Variants in SALL3 observed in about 807,000 individuals in gnomAD.
SALL3 encodes the protein spalt like transcription factor 3.
In SALL3, 25 loss-of-function variants were observed where a neutral mutation model predicts 66.2. The observed-to-expected ratio is 0.38, with a 90% confidence interval of 0.28 to 0.53. The LOEUF (loss-of-function observed/expected upper bound fraction) is 0.53. SALL3 is among the 20% of genes least tolerant of loss of function. The probability of loss-of-function intolerance (pLI) is 0.85; values close to 1 mark genes in which losing one functional copy is unlikely to be tolerated. For missense variants in SALL3, 2,194 were observed against 1,916.5 expected, an observed-to-expected ratio of 1.14 and a Z score of -2.70; for synonymous variants, 1,152 against 899.1, an observed-to-expected ratio of 1.28 and a Z score of -5.03.
Position 78,993,477 on chromosome 18 carries a change from G to C in SALL3, c.1486G>C (p.Gly496Arg). Reference protein sequence around the residue: ...EYLDNVPTCSGIPYGMSLPPE... With the variant: ...EYLDNVPTCSRIPYGMSLPPE... The stretch of plus-strand genomic sequence containing the variant: ...CCTGGACAACGTGCCCACCTGCTCG[G>C]GCATCCCCTACGGCATGTCGCTGCC... The change falls in exon 2 of 3, where the codon GGC (glycine) becomes CGC (arginine). Residue 496 changes from glycine to arginine, a missense_variant. Gly to Arg is a moderately radical substitution (Grantham distance 125). Transcript: ENST00000537592. 6.2e-7 allele frequency: 1 copy of C among 1,612,428 alleles called. No individual in the cohort carries two copies. The highest frequency in any genetic ancestry group is 8.5e-7 in the Non-Finnish European group (1 of 1,179,832).
chr18:78,981,936 C>T (rs1269558029), intron 1 of SALL3, among the ~76,000 whole-genome samples: 1 of 152,180 alleles, frequency 6.6e-6, no homozygotes, highest in African/African-American at 2.4e-5. Flanking sequence ...AATTTTAAAG[C>T]TTTATTATTG....
chr18:78,994,192 C>A lies in SALL3; in HGVS notation c.2201C>A (p.Pro734His). 6.2e-7 allele frequency: 1 copy of A among 1,613,436 alleles called. No homozygotes were observed. Among genetic ancestry groups the A allele is most frequent in the Middle Eastern group, 1.6e-4 (1 of 6,062 alleles). The change falls in exon 2 of 3, where the codon CCC becomes CAC. Residue 734 changes from proline (P) to histidine (H), a missense_variant. Coordinates refer to ENST00000537592, the MANE Select transcript of SALL3 (RefSeq NM_171999.4). ...TTCGGCGTGCACCGTGCAAAGCCGC[C>A]CCTGCGCGTGCAGCACTCCTGCCCC... is the stretch of plus-strand genomic sequence containing the variant. The part of the protein sequence containing the change: ...THFGVHRAKP[P>H]LRVQHSCPIC...
At position 78,993,587 on chromosome 18, in the gene SALL3, C is replaced by T. The variant is rs1449650764; in HGVS notation, c.1596C>T (p.Pro532=). 1.7e-5 allele frequency: 27 copies of T among 1,588,922 alleles called. No homozygotes were observed. Among genetic ancestry groups the T allele is most frequent in the Non-Finnish European group, 2.2e-5 (26 of 1,173,038 alleles). Residue 532 remains proline, a synonymous_variant, in exon 2 of 3, where the codon CCC becomes CCT. Coordinates refer to ENST00000537592, the MANE Select transcript of SALL3 (RefSeq NM_171999.4). Reference sequence around the variant, plus strand: ...CGTCCGTGGGGCTGCAACTGCCGCCCACTGTCCCTGGCGCGCACGGCTACG... The same window carrying T: ...CGTCCGTGGGGCTGCAACTGCCGCCTACTGTCCCTGGCGCGCACGGCTACG... The part of the protein sequence containing the change: ...VPTSVGLQLP[P]TVPGAHGYAD...
Position 78,992,941 on chromosome 18 carries a change from C to A in SALL3, c.950C>A (p.Ala317Asp). 9.3e-7 allele frequency: 1 copy of A among 1,074,010 alleles called. No individual in the cohort carries two copies. The highest frequency in any genetic ancestry group is 1.1e-6 in the Non-Finnish European group (1 of 887,254). The allele number at this position is 1,074,010 out of a possible 1,614,324, so 66.5% of individuals were successfully genotyped here. The change falls in exon 2 of 3, where the codon GCC becomes GAC. Residue 317 changes from alanine (A) to aspartate (D), a missense_variant. Ala to Asp is a moderately radical substitution (Grantham distance 126, BLOSUM62 -2). Transcript: ENST00000537592. ...EPSAPAAPSA[A>D]PAPAAPAPAP... ...AGCGCGCCCGCCGCCCCCAGCGCCG[C>A]CCCTGCCCCCGCTGCCCCCGCCCCG...
rs749383364 is a variant in SALL3, at chr18:78,995,298, G to GC, written c.3314dup (p.Pro1106ThrfsTer27). The GC allele has an allele frequency of 3.8e-6, 6 of 1,576,740 alleles. No individual in the cohort carries two copies. Among genetic ancestry groups the GC allele is most frequent in the Non-Finnish European group, 4.3e-6 (5 of 1,166,808 alleles). The stretch of plus-strand genomic sequence containing the variant: ...GGGCCCGGGCCTGGCGCCCATGCTG[G>GC]CCCCCCCACCGCGCCGGACGCCCAA... On this transcript the variant is annotated frameshift_variant, in exon 2 of 3. Coordinates refer to ENST00000537592, the MANE Select transcript of SALL3 (RefSeq NM_171999.4). LOFTEE classifies it high-confidence loss of function.
intron 1 of SALL3, among the ~76,000 whole-genome samples, chr18:78,985,327 TAAA>T (rs1914209403): frequency 6.6e-6 from 1 of 152,228 alleles, no homozygotes; most frequent in African/African-American, 2.4e-5. Context: ...TTATAGTTCT[TAAA>T]GAAGAAGAGA....
chr18:78,984,445 TATTA>T lies in SALL3; in HGVS notation c.82+4090_82+4093del, dbSNP rs144227537. 9.0e-3 allele frequency among the ~76,000 whole-genome samples: 1,370 copies of T among 152,356 alleles called. 21 individuals carry two copies. The highest frequency in any genetic ancestry group is 0.031 in the African/African-American group (1,303 of 41,582). On this transcript the variant is annotated intron_variant, in intron 1 of 2. Transcript: ENST00000537592. The stretch of plus-strand genomic sequence containing the variant: ...TATAACAGGAAGGATTTTTTGTTTT[TATTA>T]GTTTTATTTTCCTACATGATTTGTT...
chr18:78,982,202 A>G lies in SALL3; in HGVS notation c.82+1846A>G, dbSNP rs550442787. Reference sequence around the variant, plus strand: ...AAACGTGTGGAGGGCTATATCGCCTATATTTGAAAGCCTAAGATGGGATAA... The same window carrying G: ...AAACGTGTGGAGGGCTATATCGCCTGTATTTGAAAGCCTAAGATGGGATAA... On this transcript the variant is annotated intron_variant, in intron 1 of 2. Coordinates refer to ENST00000537592, the MANE Select transcript of SALL3 (RefSeq NM_171999.4). Among the ~76,000 whole-genome samples the G allele has an allele frequency of 9.8e-5, 15 of 152,356 alleles. No individual in the cohort carries two copies. In the South Asian group the frequency reaches 2.5e-3, roughly 25 times the overall value.
Position 78,992,623 on chromosome 18 carries a change from C to T in SALL3, c.632C>T (p.Ala211Val), listed in dbSNP as rs754738410. The change falls in exon 2 of 3, where the codon GCC (alanine) becomes GTC (valine). Residue 211 changes from alanine (A) to valine (V), a missense_variant. By Grantham distance (64) the Ala-to-Val change is moderately conservative (BLOSUM62 0). Transcript: ENST00000537592. ...CCCCTGATCCTGGAACAGCTCATGG[C>T]CCTGCAGCAGCAGCAGATCCACCAG... is the stretch of plus-strand genomic sequence containing the variant. Reference protein sequence around the residue: ...AVPLILEQLMALQQQQIHQLQ... With the variant: ...AVPLILEQLMVLQQQQIHQLQ... The T allele has an allele frequency of 1.9e-6, 3 of 1,552,496 alleles. No individual in the cohort carries two copies. The highest frequency in any genetic ancestry group is 1.7e-6 in the Non-Finnish European group (2 of 1,156,372).
rs981680977 is a variant in SALL3, at chr18:78,988,778, T to C, written c.83-3296T>C. On this transcript the variant is annotated intron_variant, in intron 1 of 2. Transcript: ENST00000537592. ...CGCGAGAACAATTGAGGTGATCACA[T>C]TGATATTTTATACACACCTCAATAG... Among the ~76,000 whole-genome samples, 7 of 152,210 alleles carry C rather than the reference T, an allele frequency of 4.6e-5. No homozygotes were observed. In the South Asian group the frequency reaches 6.2e-4, roughly 14 times the overall value.
chr18:78,981,516 G>A lies in SALL3; in HGVS notation c.82+1160G>A, dbSNP rs548193366. Among the ~76,000 whole-genome samples, 6 of 152,384 alleles carry A rather than the reference G, an allele frequency of 3.9e-5. No homozygotes were observed. In the East Asian group the frequency reaches 1.2e-3, roughly 29 times the overall value. On this transcript the variant is annotated intron_variant, in intron 1 of 2. Coordinates refer to ENST00000537592, the MANE Select transcript of SALL3 (RefSeq NM_171999.4). ...GCGGAAGAGTTTCCCACACAGTGGAGTAAAGTTTGACAAAGCGGGTAGACA... is the reference window on the plus strand; with the variant it reads ...GCGGAAGAGTTTCCCACACAGTGGAATAAAGTTTGACAAAGCGGGTAGACA...
Position 78,980,023 on chromosome 18 carries a change from G to A in SALL3, c.-252G>A, listed in dbSNP as rs1023708189. Reference sequence around the variant, plus strand: ...GCCGCGGCCCCCTCCTCGTCGGCGCGGCCGCTAATTGCGAGCGCGGCCTCA... The same window carrying A: ...GCCGCGGCCCCCTCCTCGTCGGCGCAGCCGCTAATTGCGAGCGCGGCCTCA... On this transcript the variant is annotated 5_prime_UTR_variant, in exon 1 of 3. Transcript: ENST00000537592. Among the ~76,000 whole-genome samples the A allele has an allele frequency of 6.9e-6, 1 of 145,868 alleles. No individual in the cohort carries two copies. Among genetic ancestry groups the A allele is most frequent in the East Asian group, 2.0e-4 (1 of 4,976 alleles).
At position 78,992,784 on chromosome 18, in the gene SALL3, C is replaced by A; in HGVS notation, c.793C>A (p.Pro265Thr). Residue 265 changes from proline (P) to threonine (T), a missense_variant, in exon 2 of 3, where the codon CCG (proline) becomes ACG (threonine). Physicochemically the swap from Pro to Thr is conservative, Grantham distance 38. Transcript: ENST00000537592. ...CCAGCTGCCCGGGCTGGCCGCGCTC[C>A]CGCTGTCGGCCGGGGCCCCTGCCGC... ...PSQLPGLAAL[P>T]LSAGAPAAAI... 1 of 990,822 alleles carries A rather than the reference C, an allele frequency of 1.0e-6. No individual in the cohort carries two copies. Among genetic ancestry groups the A allele is most frequent in the African/African-American group, 1.8e-5 (1 of 56,758 alleles). 61.4% of individuals were successfully genotyped at this position (990,822 alleles called of 1,614,324 possible).
Position 78,995,298 on chromosome 18 carries a change from G to C in SALL3, c.3307G>C (p.Ala1103Pro). ...GGGCCCGGGCCTGGCGCCCATGCTGGCCCCCCCACCGCGCCGGACGCCCAA... is the reference window on the plus strand; with the variant it reads ...GGGCCCGGGCCTGGCGCCCATGCTGCCCCCCCCACCGCGCCGGACGCCCAA... ...VMGPGLAPMLAPPPRRTPKQH... is the reference protein window; with the variant it reads ...VMGPGLAPMLPPPPRRTPKQH... The change falls in exon 2 of 3, where the codon GCC (alanine) becomes CCC (proline). Residue 1103 changes from alanine (A) to proline (P), a missense_variant. Coordinates refer to ENST00000537592, the MANE Select transcript of SALL3 (RefSeq NM_171999.4). 16 of 1,576,746 alleles carry C rather than the reference G, an allele frequency of 1.0e-5. No homozygotes were observed. Among genetic ancestry groups the C allele is most frequent in the Non-Finnish European group, 1.4e-5 (16 of 1,166,812 alleles).
In SALL3 at chr18:78,992,666, G is replaced by T. The variant is rs1599178664; in HGVS notation, c.675G>T (p.Gln225His). 11 of 1,541,428 alleles carry T rather than the reference G, an allele frequency of 7.1e-6. No homozygotes were observed. Among genetic ancestry groups the T allele is most frequent in the Non-Finnish European group, 8.7e-6 (10 of 1,149,672 alleles). ...TCCACCAGCTGCAGCTCATCGAGCA[G>T]ATCCGCAGCCAGGTGGCCCTCATGC... is the stretch of plus-strand genomic sequence containing the variant. ...QQIHQLQLIE[Q>H]IRSQVALMQR... is the part of the protein sequence containing the mutation. Residue 225 changes from glutamine to histidine, a missense_variant, in exon 2 of 3, where the codon CAG becomes CAT. By Grantham distance (24) the Gln-to-His change is conservative (BLOSUM62 0). Coordinates refer to ENST00000537592, the MANE Select transcript of SALL3 (RefSeq NM_171999.4).
Position 78,995,447 on chromosome 18 carries a change from T to G in SALL3, c.3456T>G (p.Thr1152=). 2 of 1,570,682 alleles carry G rather than the reference T, an allele frequency of 1.3e-6. No individual in the cohort carries two copies. The highest frequency in any genetic ancestry group is 1.7e-6 in the Non-Finnish European group (2 of 1,165,948). The change falls in exon 2 of 3, where the codon ACT becomes ACG. Residue 1152 remains threonine (T), a synonymous_variant. Transcript: ENST00000537592. The part of the protein sequence containing the change: ...GCTICGRAFT[T]KGNLKVHMGT... ...CCATCTGCGGCCGGGCCTTCACCAC[T>G]AAGGGCAACCTCAAGGTAAGAGCAT...
rs774721554 is a variant in SALL3, at chr18:78,992,335, C to CGGGTGCGGA, written c.348_356dup (p.Ala120_Gly122dup). The CGGGTGCGGA allele has an allele frequency of 4.2e-6, 6 of 1,426,184 alleles. No individual in the cohort carries two copies. The highest frequency in any genetic ancestry group is 1.5e-5 in the South Asian group (1 of 68,582). The allele number at this position is 1,426,184 out of a possible 1,614,324, so 88.3% of individuals were successfully genotyped here. A position where few individuals can be genotyped will look rare whatever the true frequency, so the allele number is the denominator to read the frequency against. On this transcript the variant is annotated inframe_insertion, in exon 2 of 3. Coordinates refer to ENST00000537592, the MANE Select transcript of SALL3 (RefSeq NM_171999.4). ...GCCGAAAGCGAGGCGGCCGAGGAGGCGGGTGCGGAGGGCGCGGAGGGCGAG... is the reference window on the plus strand; with the variant it reads ...GCCGAAAGCGAGGCGGCCGAGGAGGCGGGTGCGGAGGGTGCGGAGGGCGCGGAGGGCGAG...
In SALL3 at chr18:78,993,055, C is replaced by G. The variant is rs760233856; in HGVS notation, c.1064C>G (p.Ala355Gly). Residue 355 changes from alanine (A) to glycine (G), a missense_variant, in exon 2 of 3, where the codon GCG (alanine) becomes GGG (glycine). Transcript: ENST00000537592. ...GCCCCGGGGTCCCTGCTGGGTGCGGCGCCCGGCCTGCCAAGTCCGCTTCTA... is the reference window on the plus strand; with the variant it reads ...GCCCCGGGGTCCCTGCTGGGTGCGGGGCCCGGCCTGCCAAGTCCGCTTCTA... The part of the protein sequence containing the change: ...ALAPGSLLGA[A>G]PGLPSPLLPQ... The G allele has an allele frequency of 1.3e-6, 2 of 1,585,392 alleles. No individual in the cohort carries two copies. The highest frequency in any genetic ancestry group is 2.7e-5 in the African/African-American group (2 of 74,338).
chr18:78,992,842 C>T lies in SALL3; in HGVS notation c.851C>T (p.Ala284Val). 2 of 980,548 alleles carry T rather than the reference C, an allele frequency of 2.0e-6. No homozygotes were observed. The highest frequency in any genetic ancestry group is 2.4e-6 in the Non-Finnish European group (2 of 828,294). The allele number at this position is 980,548 out of a possible 1,614,324, so 60.7% of individuals were successfully genotyped here. A position where few individuals can be genotyped will look rare whatever the true frequency, so the allele number is the denominator to read the frequency against. ...AIAGSGPAAPAAFEGAQPLSR... is the reference protein window; with the variant it reads ...AIAGSGPAAPVAFEGAQPLSR... ...GCGGGCTCGGGCCCCGCCGCCCCGGCCGCCTTCGAGGGCGCGCAGCCGCTG... is the reference window on the plus strand; with the variant it reads ...GCGGGCTCGGGCCCCGCCGCCCCGGTCGCCTTCGAGGGCGCGCAGCCGCTG... Residue 284 changes from alanine to valine, a missense_variant, in exon 2 of 3, where the codon GCC becomes GTC. Coordinates refer to ENST00000537592, the MANE Select transcript of SALL3 (RefSeq NM_171999.4).
Sources: gnomAD v4.1 joint callset for allele counts (sites outside exome capture counted in the v4.1 genomes callset) on GRCh38, gnomAD v4.1.1 for gene constraint, MANE v1.5 for transcripts, NCBI Gene and HGNC (gene_info 2026-07-23, HGNC 2026-07-21) for gene names.